SHROOM3: variants seen among roughly 807,000 people sequenced by gnomAD.
SHROOM3 encodes the protein shroom family member 3.
Under a neutral mutation model 138.6 loss-of-function variants are expected in SHROOM3, and 47 were observed. The observed-to-expected ratio is 0.34, with a 90% CI of 0.27 to 0.43. The LOEUF (loss-of-function observed/expected upper bound fraction) is 0.43. Ranked by LOEUF, SHROOM3 falls within the 20% of genes least tolerant of loss-of-function variation. SHROOM3 has a pLI of 1.00. For missense variants in SHROOM3, 2,491 were observed against 2,596.5 expected (o/e 0.96, Z 0.88); for synonymous variants, 1,062 against 1,063.3 (o/e 1.00, Z 0.02).
intron 2 of SHROOM3, among the ~76,000 whole-genome samples, chr4:76,696,963 G>T (rs939936429): frequency 6.6e-6 from 1 of 152,110 alleles, no homozygotes; most frequent in African/African-American, 2.4e-5. Context: ...TGTTGCCCAA[G>T]TGGGGTGCAG....
At chr4:76,742,923 AAAATGCTGTGTTACAGCATC>A (rs142825822) in intron 5 of SHROOM3, among the ~76,000 whole-genome samples, 33,221 of 152,052 alleles carry the variant, frequency 0.22, 3,739 homozygotes, top group African/African-American at 0.23. Context: ...TGTTGTATGA[AAAATGCTGTGTTACAGCATC>A]AAAGGATACA....
intron 2 of SHROOM3, among the ~76,000 whole-genome samples, chr4:76,643,316 T>C (rs4859701): frequency 3.2e-4 from 48 of 151,836 alleles, no homozygotes; most frequent in African/African-American, 9.4e-4. Flanking sequence ...CAATTCATCC[T>C]CAGAACACCC....
chr4:76,618,784 T>C (rs1577922968), intron 2 of SHROOM3, among the ~76,000 whole-genome samples: 1 of 152,256 alleles, frequency 6.6e-6, no homozygotes, highest in East Asian at 1.9e-4. Flanking sequence ...TCTGTTTTGT[T>C]AGTTGACTCA....
chr4:76,603,384 C>G (rs1050212219), intron 2 of SHROOM3, among the ~76,000 whole-genome samples: 1 of 152,064 alleles, frequency 6.6e-6, no homozygotes, highest in Non-Finnish European at 1.5e-5. Flanking sequence ...GGCCACTGCA[C>G]TCCAGCCTGG....
intron 3 of SHROOM3, among the ~76,000 whole-genome samples, chr4:76,727,647 T>G (rs949885715): frequency 2.0e-5 from 3 of 152,110 alleles, no homozygotes; most frequent in Non-Finnish European, 4.4e-5. Context: ...TCCAGCACCT[T>G]GGGAGGCCAA....
chr4:76,555,830 A>C, intron 2 of SHROOM3, 67 bp downstream of exon 2: 1 of 1,552,820 alleles, frequency 6.4e-7, no homozygotes, highest in Non-Finnish European at 8.7e-7. Flanking sequence ...ACCCTACCCC[A>C]CCTCTGGGAA....
intron 6 of SHROOM3, 57 bp downstream of exon 6, chr4:76,749,147 C>G: frequency 1.4e-6 from 2 of 1,457,544 alleles, no homozygotes; most frequent in Non-Finnish European, 1.9e-6. Context: ...TGTTAAACTA[C>G]TCTTGTTCCT....
rs945599663 is a variant in SHROOM3, at chr4:76,741,356, C to T, written c.3183C>T (p.Phe1061=). The change falls in exon 5 of 11, where the codon TTC becomes TTT. Residue 1061 remains phenylalanine, a synonymous_variant. Coordinates refer to ENST00000296043, the MANE Select transcript of SHROOM3 (RefSeq NM_020859.4). The surrounding 1 kb of genome is among the most constrained non-coding windows in gnomAD (Gnocchi z 6.2). Reference sequence around the variant, plus strand: ...GCGTGGCCGACCGGCGCCGTCTCTTCGAGCGCGATGGCAAGGCCTGCTCCA... The same window carrying T: ...GCGTGGCCGACCGGCGCCGTCTCTTTGAGCGCGATGGCAAGGCCTGCTCCA... ...ESSVADRRRL[F]ERDGKACSTL... is the part of the protein sequence containing the mutation. 8 of 1,608,568 alleles carry T rather than the reference C, an allele frequency of 5.0e-6. No individual in the cohort carries two copies. The highest frequency in any genetic ancestry group is 2.7e-5 in the African/African-American group (2 of 74,878).
chr4:76,558,102 A>G (rs930049430), intron 2 of SHROOM3, among the ~76,000 whole-genome samples: 4 of 152,214 alleles, frequency 2.6e-5, no homozygotes, highest in African/African-American at 9.6e-5. Context: ...GTGTTTCAAC[A>G]TGACTGTGGT....
chr4:76,633,217 C>T (rs7668657), intron 2 of SHROOM3, among the ~76,000 whole-genome samples: 58,531 of 150,650 alleles, frequency 0.39, 11,553 homozygotes, highest in East Asian at 0.56. Flanking sequence ...GGCACACATC[C>T]GTAGTCCCAG....
intron 3 of SHROOM3, among the ~76,000 whole-genome samples, chr4:76,712,750 T>A (rs1217060675): frequency 6.6e-6 from 1 of 152,248 alleles, no homozygotes; most frequent in East Asian, 1.9e-4. Flanking sequence ...TACAGTCACG[T>A]ATTGCTTAAT....
intron 1 of SHROOM3, among the ~76,000 whole-genome samples, chr4:76,538,994 T>C (rs907773773): frequency 1.3e-5 from 2 of 152,210 alleles, no homozygotes; most frequent in Non-Finnish European, 2.9e-5. Flanking sequence ...TCTTAGGCTG[T>C]AGGGAGCTGC....
chr4:76,536,038 C>G (rs931106590), intron 1 of SHROOM3, among the ~76,000 whole-genome samples: 2 of 152,206 alleles, frequency 1.3e-5, no homozygotes, highest in African/African-American at 4.8e-5. Flanking sequence ...GAGCGAGACC[C>G]AGGGTTACAA....
chr4:76,735,265 G>C (rs2110130794), intron 4 of SHROOM3, among the ~76,000 whole-genome samples: 1 of 152,270 alleles, frequency 6.6e-6, no homozygotes, highest in African/African-American at 2.4e-5. Flanking sequence ...CATTTTGGTG[G>C]CATCAATGGC....
chr4:76,619,220 A>G (rs1462766186), intron 2 of SHROOM3, among the ~76,000 whole-genome samples: 1 of 152,162 alleles, frequency 6.6e-6, no homozygotes, highest in African/African-American at 2.4e-5. Context: ...TGAAGAATAT[A>G]ATCCTCCTTG....
At chr4:76,515,595 C>T (rs1732427921) in intron 1 of SHROOM3, among the ~76,000 whole-genome samples, 1 of 152,066 alleles carries the variant, frequency 6.6e-6, no homozygotes, top group Admixed American at 6.6e-5. Context: ...TTGTCCTTTG[C>T]CCTTAAACTC....
At chr4:76,620,115 T>C (rs964468566) in intron 2 of SHROOM3, among the ~76,000 whole-genome samples, 1 of 118,006 alleles carries the variant, frequency 8.5e-6, no homozygotes, top group African/African-American at 3.2e-5. Flanking sequence ...AAAGAAACAA[T>C]AGGATTTGAT....
intron 2 of SHROOM3, among the ~76,000 whole-genome samples, chr4:76,647,620 C>G (rs563241682): frequency 1.3e-5 from 2 of 152,258 alleles, no homozygotes; most frequent in South Asian, 4.1e-4. Flanking sequence ...GGAAGCCAGG[C>G]AGAGTGGATC....
intron 2 of SHROOM3, among the ~76,000 whole-genome samples, chr4:76,698,395 A>G (rs1719807560): frequency 1.3e-5 from 2 of 152,276 alleles, no homozygotes; most frequent in South Asian, 4.1e-4. Flanking sequence ...GCTGATGCCA[A>G]ATTTAGCAAG....
Sources: gnomAD v4.1 joint callset for allele counts (sites outside exome capture counted in the v4.1 genomes callset) on GRCh38, gnomAD v4.1.1 for gene constraint, Gnocchi (gnomAD v3.1) non-coding constraint, MANE v1.5 for transcripts, NCBI Gene and HGNC (gene_info 2026-07-23, HGNC 2026-07-21) for gene names.